The following RASAL2 variants were observed in gnomAD, a reference collection of about 807,000 sequenced individuals.
RASAL2 encodes ras GTPase-activating protein nGAP.
A neutral mutation model predicts 128.9 loss-of-function variants in RASAL2; 58 were observed. The observed-to-expected ratio is 0.45, with a 90% CI of 0.36 to 0.56. The LOEUF (loss-of-function observed/expected upper bound fraction) is 0.56. RASAL2 is among the 20% of genes least tolerant of loss of function. The probability of loss-of-function intolerance (pLI) is 0.00; values close to 1 mark genes in which losing one functional copy is unlikely to be tolerated. For synonymous variants in RASAL2, 561 were observed against 580.8 expected, an observed-to-expected ratio of 0.97 and a Z score of 0.49; for missense variants, 1,360 against 1,601.6, an observed-to-expected ratio of 0.85 and a Z score of 2.57.
chr1:178,320,668 A>G (rs982490368), intron 3 of RASAL2, among the ~76,000 whole-genome samples: 3 of 152,052 alleles, frequency 2.0e-5, no homozygotes, highest in Non-Finnish European at 4.4e-5. Flanking sequence ...CGGTGCGCGC[A>G]CCCACTGACC....
chr1:178,412,449 G>A (rs1251947103), intron 4 of RASAL2, among the ~76,000 whole-genome samples: 3 of 152,136 alleles, frequency 2.0e-5, no homozygotes, highest in African/African-American at 7.2e-5. Flanking sequence ...ACTAAATAGA[G>A]CTGTGAGAGA....
intron 1 of RASAL2, among the ~76,000 whole-genome samples, chr1:178,203,947 G>A (rs906352843): frequency 6.6e-6 from 1 of 152,166 alleles, no homozygotes; most frequent in African/African-American, 2.4e-5. Flanking sequence ...GAAGGTTTGG[G>A]TCTCTCCACC....
chr1:178,246,653 A>T (rs951562904), intron 1 of RASAL2, among the ~76,000 whole-genome samples: 1 of 152,114 alleles, frequency 6.6e-6, no homozygotes, highest in Non-Finnish European at 1.5e-5. Flanking sequence ...CTTGTTTTCA[A>T]AGGGAATGCT....
At chr1:178,103,514 A>T (rs1658980665) in intron 1 of RASAL2, among the ~76,000 whole-genome samples, 1 of 152,126 alleles carries the variant, frequency 6.6e-6, no homozygotes, top group Non-Finnish European at 1.5e-5. Flanking sequence ...CCCACACATA[A>T]TGAATTATCA....
At chr1:178,265,788 C>T (rs1486298313) in intron 1 of RASAL2, among the ~76,000 whole-genome samples, 1 of 152,186 alleles carries the variant, frequency 6.6e-6, no homozygotes, top group Non-Finnish European at 1.5e-5. Context: ...AGACACTTCA[C>T]CTGCAAACAG....
intron 3 of RASAL2, among the ~76,000 whole-genome samples, chr1:178,342,229 G>A (rs1669918636): frequency 1.3e-5 from 2 of 152,168 alleles, no homozygotes; most frequent in African/African-American, 4.8e-5. Flanking sequence ...AAAGAGACTT[G>A]GAGATTATCT....
At chr1:178,110,530 CT>C (rs1239346668) in intron 1 of RASAL2, among the ~76,000 whole-genome samples, 2 of 137,376 alleles carry the variant, frequency 1.5e-5, no homozygotes, top group South Asian at 2.3e-4. Flanking sequence ...TATATATATG[CT>C]ATATATACTA....
chr1:178,244,377 G>A (rs1007651220), intron 1 of RASAL2, among the ~76,000 whole-genome samples: 2 of 152,050 alleles, frequency 1.3e-5, no homozygotes, highest in African/African-American at 2.4e-5. Context: ...CAAGTACCTG[G>A]GACTACAGGC....
chr1:178,438,932 T>TGTGTGTGTGTGTGTGTGTG (rs1553233715), intron 5 of RASAL2, among the ~76,000 whole-genome samples: 4 of 145,482 alleles, frequency 2.7e-5, no homozygotes, highest in East Asian at 4.0e-4. Context: ...TGTGTGTGTG[T>TGTGTGTGTGTGTGTGTGTG]TTTGCCAAAG....
rs1279843931 is a variant in RASAL2, at chr1:178,367,600, GA to G, written c.458-22498del. 4.6e-5 allele frequency among the ~76,000 whole-genome samples: 7 copies of G among 152,160 alleles called. No homozygotes were observed. In the East Asian group the frequency reaches 1.4e-3, roughly 29 times the overall value. On this transcript the variant is annotated intron_variant, in intron 3 of 17. Coordinates refer to ENST00000367649, the MANE Select transcript of RASAL2 (RefSeq NM_170692.4). ...TTAGCACTGATATTGTTGAATGAAT[GA>G]ATCTGAAAGTATGAGTACAAGCAGC...
At chr1:178,245,670 A>G (rs1445067998) in intron 1 of RASAL2, among the ~76,000 whole-genome samples, 1 of 152,054 alleles carries the variant, frequency 6.6e-6, no homozygotes, top group Non-Finnish European at 1.5e-5. Flanking sequence ...GATATTGCCT[A>G]GGTTTTCTTC....
At position 178,115,736 on chromosome 1, in the gene RASAL2, T is replaced by A. The variant is rs143846283; in HGVS notation, c.202+21042T>A. Among the ~76,000 whole-genome samples, 25 of 152,350 alleles carry A rather than the reference T, an allele frequency of 1.6e-4. No individual in the cohort carries two copies. The East Asian group carries it at 4.8e-3, about 29-fold the overall frequency. On this transcript the variant is annotated intron_variant, in intron 1 of 17. Coordinates refer to ENST00000367649, the MANE Select transcript of RASAL2 (RefSeq NM_170692.4). ...TCTGGTTGTGGTGTAGAAAATAGAT[T>A]CCTGTGGAGCAGAGAGATCAGCCAG...
chr1:178,283,054 G>A (rs1183266337), intron 1 of RASAL2, among the ~76,000 whole-genome samples: 1 of 152,074 alleles, frequency 6.6e-6, no homozygotes, highest in Non-Finnish European at 1.5e-5. Flanking sequence ...GATCTTGCTG[G>A]CCTCTAGTGG....
chr1:178,112,521 G>T (rs148326179), intron 1 of RASAL2, among the ~76,000 whole-genome samples: 1 of 151,964 alleles, frequency 6.6e-6, no homozygotes, highest in South Asian at 2.1e-4. Context: ...CTGCACTCCC[G>T]CCTGGGTGAC....
At chr1:178,441,205 A>G (rs1171953422) in intron 6 of RASAL2, among the ~76,000 whole-genome samples, 2 of 152,202 alleles carry the variant, frequency 1.3e-5, no homozygotes, top group Non-Finnish European at 1.5e-5. Flanking sequence ...GGTTCATAGC[A>G]TATGTCTAAC....
chr1:178,439,633 C>A, intron 6 of RASAL2, 58 bp downstream of exon 6: 2 of 1,544,420 alleles, frequency 1.3e-6, no homozygotes, highest in Admixed American at 1.8e-5. Flanking sequence ...GATTTTATGT[C>A]CAGTAATTTT....
At chr1:178,289,105 A>C (rs1285474180) in intron 2 of RASAL2, among the ~76,000 whole-genome samples, 1 of 151,852 alleles carries the variant, frequency 6.6e-6, no homozygotes, top group East Asian at 1.9e-4. Flanking sequence ...TTTCAGCCAG[A>C]CTCTTACCCA....
At chr1:178,462,011 G>A (rs1179437809) in intron 14 of RASAL2, among the ~76,000 whole-genome samples, 1 of 152,208 alleles carries the variant, frequency 6.6e-6, no homozygotes. Flanking sequence ...TCAAAGGGAA[G>A]ATATTCCTAA....
chr1:178,297,631 T>C (rs1481141031), intron 2 of RASAL2, among the ~76,000 whole-genome samples: 1 of 148,420 alleles, frequency 6.7e-6, no homozygotes, highest in Non-Finnish European at 1.5e-5. Flanking sequence ...AAAAAAAACT[T>C]AAGAAATGCA....
Sources: allele counts gnomAD v4.1 joint callset (sites outside exome capture counted in the v4.1 genomes callset), GRCh38; gene constraint gnomAD v4.1.1; transcripts MANE v1.5; gene names NCBI Gene and HGNC (gene_info 2026-07-23, HGNC 2026-07-21).